SPATA13: variants seen among roughly 807,000 people sequenced by gnomAD.
The protein encoded by SPATA13 is spermatogenesis-associated protein 13.
SPATA13 carries 50 observed loss-of-function variants against 104.0 expected under a neutral mutation model. That is an observed-to-expected ratio of 0.48 (90% confidence interval 0.38 to 0.61). The LOEUF is 0.61. Ranked by LOEUF, SPATA13 falls within the 20% of genes least tolerant of loss-of-function variation. The pLI is 0.00. For synonymous variants in SPATA13, 606 were observed against 667.5 expected, an observed-to-expected ratio of 0.91 and a Z score of 1.42; for missense variants, 1,524 against 1,690.6, an observed-to-expected ratio of 0.90 and a Z score of 1.73.
intron 2 of SPATA13, among the ~76,000 whole-genome samples, chr13:24,236,786 G>T (rs984034462): frequency 6.6e-6 from 1 of 152,100 alleles, no homozygotes; most frequent in African/African-American, 2.4e-5. Flanking sequence ...GTGCATTGCT[G>T]GTGGGAAAAT....
In SPATA13 at chr13:24,306,579, A is replaced by G. The variant is rs958116991; in HGVS notation, c.*3806A>G. The G allele has an allele frequency of 1.2e-4, 19 of 152,206 alleles. No individual in the cohort carries two copies. The highest frequency in any genetic ancestry group is 2.4e-5 in the African/African-American group (1 of 41,452). The allele number at this position is 152,206 out of a possible 1,614,324, so 9.4% of individuals were successfully genotyped here. On this transcript the variant is annotated 3_prime_UTR_variant, in exon 13 of 13. Transcript: ENST00000382108. ...AAAGTCTCATTGTTTTCAGGATGCA[A>G]TGAAAGTGGATTTCAAAAGGCTTTG... is the stretch of plus-strand genomic sequence containing the variant.
chr13:24,231,349 G>A (rs1292335860), intron 2 of SPATA13, among the ~76,000 whole-genome samples: 1 of 152,132 alleles, frequency 6.6e-6, no homozygotes, highest in Admixed American at 6.5e-5. Context: ...ATGGAATCCT[G>A]TAATACGTGG....
At chr13:24,178,953 C>T (rs994008087) in intron 1 of SPATA13, among the ~76,000 whole-genome samples, 1 of 152,188 alleles carries the variant, frequency 6.6e-6, no homozygotes, top group African/African-American at 2.4e-5. Context: ...AAGTCCCCAG[C>T]CCTAGACAAC....
At chr13:24,182,267 G>A (rs1296896313) in intron 1 of SPATA13, among the ~76,000 whole-genome samples, 1 of 152,148 alleles carries the variant, frequency 6.6e-6, no homozygotes, top group Non-Finnish European at 1.5e-5. Context: ...ACTAAACTTT[G>A]AGGCATGTAT....
At chr13:24,142,507 A>G (rs1881793390) in intron 3 of SPATA13, among the ~76,000 whole-genome samples, 1 of 152,120 alleles carries the variant, frequency 6.6e-6, no homozygotes, top group East Asian at 1.9e-4. Flanking sequence ...GATTGAGGTT[A>G]TGCATTTGGG....
chr13:24,220,116 T>C (rs1232647235), intron 1 of SPATA13, among the ~76,000 whole-genome samples: 1 of 152,146 alleles, frequency 6.6e-6, no homozygotes, highest in East Asian at 1.9e-4. Flanking sequence ...GCACAGACGC[T>C]TGTACCCAGT....
rs1205717179 is a variant in SPATA13, at chr13:24,095,977, A to ACAG, written c.-112+78279_-112+78281dup. ...CAGAGCCCTTTATTCCAGAAGAAAT[A>ACAG]CAGCAAGGTACCTACACCTGCCTCT... On this transcript the variant is annotated intron_variant, in intron 3 of 14. Coordinates refer to the SPATA13 transcript ENST00000424834. Among the ~76,000 whole-genome samples the ACAG allele has an allele frequency of 1.4e-4, 21 of 152,352 alleles. No homozygotes were observed. The East Asian group carries it at 4.0e-3, about 29-fold the overall frequency.
At chr13:24,298,606 AT>A (rs1394439837) in intron 11 of SPATA13, among the ~76,000 whole-genome samples, 1 of 152,138 alleles carries the variant, frequency 6.6e-6, no homozygotes, top group Admixed American at 6.5e-5. Context: ...AAGGATATTC[AT>A]CTCTGCAGCC....
At chr13:24,197,571 T>C (rs1054358284) in intron 1 of SPATA13, among the ~76,000 whole-genome samples, 1 of 152,172 alleles carries the variant, frequency 6.6e-6, no homozygotes, top group African/African-American at 2.4e-5. Flanking sequence ...TTCTGAAAGA[T>C]AGAAATAATT....
At chr13:24,257,460 G>C (rs1040085489) in intron 4 of SPATA13, among the ~76,000 whole-genome samples, 3 of 152,136 alleles carry the variant, frequency 2.0e-5, no homozygotes, top group Admixed American at 2.0e-4. Context: ...TAATAAAAGA[G>C]GAAAGTCAAG....
chr13:24,252,398 T>C (rs551590721), intron 4 of SPATA13, among the ~76,000 whole-genome samples: 1 of 152,352 alleles, frequency 6.6e-6, no homozygotes, highest in Non-Finnish European at 1.5e-5. Context: ...CTCATCTTAA[T>C]GTGATTATCT....
intron 3 of SPATA13, among the ~76,000 whole-genome samples, chr13:24,054,165 G>A (rs1015438563): frequency 3.9e-5 from 6 of 152,234 alleles, no homozygotes; most frequent in Non-Finnish European, 5.9e-5. Context: ...GAGATCCCTC[G>A]TCTGCCACTT....
chr13:24,211,247 C>CT, intron 1 of SPATA13, among the ~76,000 whole-genome samples: 1 of 152,156 alleles, frequency 6.6e-6, no homozygotes, highest in South Asian at 2.1e-4. Context: ...GCCTTTCTTT[C>CT]TTTCTCTTGC....
chr13:24,233,316 G>A (rs1373564990), intron 2 of SPATA13, among the ~76,000 whole-genome samples: 1 of 152,210 alleles, frequency 6.6e-6, no homozygotes, highest in Non-Finnish European at 1.5e-5. Context: ...TGATATGACA[G>A]TTAGTGTTTT....
chr13:24,233,156 T>C (rs2138630027), intron 2 of SPATA13, among the ~76,000 whole-genome samples: 1 of 152,334 alleles, frequency 6.6e-6, no homozygotes, highest in East Asian at 1.9e-4. Flanking sequence ...TCCTCTGGGT[T>C]CTCATTCATT....
At chr13:24,302,025 A>G (rs1464573191) in intron 12 of SPATA13, among the ~76,000 whole-genome samples, 1 of 152,214 alleles carries the variant, frequency 6.6e-6, no homozygotes. Context: ...AATTTGGGCC[A>G]AGGCAGCATG....
intron 3 of SPATA13, among the ~76,000 whole-genome samples, chr13:24,050,814 G>A (rs1056303691): frequency 6.6e-6 from 1 of 152,202 alleles, no homozygotes; most frequent in African/African-American, 2.4e-5. Flanking sequence ...CACCCACCAC[G>A]TGTGGTAGTG....
intron 2 of SPATA13, among the ~76,000 whole-genome samples, chr13:24,226,649 A>G (rs558237927): frequency 1.2e-4 from 18 of 152,308 alleles, no homozygotes; most frequent in Admixed American, 1.1e-3. Context: ...GGTGCTTGCC[A>G]TAGAGAATAA....
At chr13:24,283,169 T>C (rs1201660074) in intron 4 of SPATA13, among the ~76,000 whole-genome samples, 1 of 152,188 alleles carries the variant, frequency 6.6e-6, no homozygotes, top group Non-Finnish European at 1.5e-5. Flanking sequence ...AGCCTTTCCC[T>C]GACTGGGGAG....
Sources: allele counts gnomAD v4.1 joint callset (sites outside exome capture counted in the v4.1 genomes callset), GRCh38; gene constraint gnomAD v4.1.1; transcripts MANE v1.5; gene names NCBI Gene and HGNC (gene_info 2026-07-23, HGNC 2026-07-21).